The following ASAH1 variants were observed in gnomAD, a reference collection of about 807,000 sequenced individuals.
ASAH1 encodes acid ceramidase.
ASAH1 carries 70 observed loss-of-function variants against 59.5 expected under a neutral mutation model. The observed-to-expected ratio is 1.18, with a 90% CI of 0.97 to 1.43. The LOEUF is 1.43. Ranked by LOEUF, ASAH1 falls within the 40% of genes most tolerant of loss-of-function variation. The pLI, the probability that ASAH1 is intolerant of heterozygous loss-of-function variation, is 0.00. For synonymous variants in ASAH1, 213 were observed against 166.5 expected, an observed-to-expected ratio of 1.28 and a Z score of -2.15; for missense variants, 660 against 482.5, an observed-to-expected ratio of 1.37 and a Z score of -3.45.
chr8:18,065,417 G>C (rs781468110), intron 5 of ASAH1: 1 of 151,952 alleles, frequency 6.6e-6, no homozygotes, highest in South Asian at 2.1e-4. Context: ...CACTTTTGTT[G>C]ATAAATACTA....
Position 18,056,719 on chromosome 8 carries a change from TATGAGA to T in ASAH1, c.*809_*814del, listed in dbSNP as rs1238471626. 12 of 152,196 alleles carry T rather than the reference TATGAGA, an allele frequency of 7.9e-5. No individual in the cohort carries two copies. The highest frequency in any genetic ancestry group is 2.9e-5 in the Non-Finnish European group (2 of 68,034). The allele number at this position is 152,196 out of a possible 1,614,324, so 9.4% of individuals were successfully genotyped here. A position where few individuals can be genotyped will look rare whatever the true frequency, so the allele number is the denominator to read the frequency against. On this transcript the variant is annotated 3_prime_UTR_variant, in exon 14 of 14. Transcript: ENST00000637790. ...ACCTGTTTATTACATGAATGCTACT[TATGAGA>T]ATTTAAAATATGGGTTCACTTCCTA...
chr8:18,067,734 A>G (rs1209709601), intron 4 of ASAH1: 1 of 154,044 alleles, frequency 6.5e-6, no homozygotes, highest in Non-Finnish European at 1.4e-5. Context: ...ACACTCACAG[A>G]GATAAACCTG....
chr8:18,070,370 G>A (rs1425347607), intron 3 of ASAH1, among the ~76,000 whole-genome samples: 2 of 152,022 alleles, frequency 1.3e-5, no homozygotes, highest in East Asian at 1.9e-4. Context: ...GGCTGGTCTC[G>A]AACTCCTGAC....
At chr8:18,066,863 C>G in intron 5 of ASAH1, 2 of 289,858 alleles carry the variant, frequency 6.9e-6, no homozygotes, top group Admixed American at 1.1e-4. Flanking sequence ...TAATGAAATA[C>G]AAGAAATCAC....
In ASAH1 at chr8:18,083,876, C is replaced by T. The variant is rs968360863; in HGVS notation, c.78+105G>A. 3.7e-5 allele frequency: 56 copies of T among 1,528,722 alleles called. No homozygotes were observed. The Admixed American group carries it at 9.5e-4, about 26-fold the overall frequency. The allele number at this position is 1,528,722 out of a possible 1,614,324, so 94.7% of individuals were successfully genotyped here. A position where few individuals can be genotyped will look rare whatever the true frequency, so the allele number is the denominator to read the frequency against. On this transcript the variant is annotated intron_variant, in intron 1 of 13. Coordinates refer to ENST00000637790, the MANE Select transcript of ASAH1 (RefSeq NM_177924.5). Reference sequence around the variant, plus strand: ...CCACAGACCCCCGTAAAGAAGCTGCCCAGCACGAGGTGTTCCTTGTACCCG... The same window carrying T: ...CCACAGACCCCCGTAAAGAAGCTGCTCAGCACGAGGTGTTCCTTGTACCCG...
intron 2 of ASAH1, among the ~76,000 whole-genome samples, chr8:18,073,905 G>A (rs775363260): frequency 1.3e-5 from 2 of 152,044 alleles, no homozygotes; most frequent in Non-Finnish European, 2.9e-5. Context: ...ATGAAGGCAA[G>A]GAAAGAAACA....
At chr8:18,064,873 G>A (rs1799867872) in intron 5 of ASAH1, 1 of 212,492 alleles carries the variant, frequency 4.7e-6, no homozygotes, top group Admixed American at 5.3e-5. Context: ...GCTCTTGGCT[G>A]TTTGCTGGAC....
At chr8:18,067,913 G>A (rs900895194) in intron 4 of ASAH1, 4 of 152,094 alleles carry the variant, frequency 2.6e-5, no homozygotes, top group East Asian at 1.9e-4. Flanking sequence ...TTAAGTTCAC[G>A]GCCTTTTGCT....
chr8:18,058,715 A>G (rs420610), intron 13 of ASAH1, 120 bp downstream of exon 13: 129 of 889,098 alleles, frequency 1.5e-4, no homozygotes, highest in Middle Eastern at 3.0e-4. Flanking sequence ...TTAATAAAAA[A>G]TCAGTCCTAA....
intron 3 of ASAH1, among the ~76,000 whole-genome samples, chr8:18,070,852 G>C (rs533568115): frequency 6.6e-6 from 1 of 152,244 alleles, no homozygotes; most frequent in Non-Finnish European, 1.5e-5. Flanking sequence ...ATTTAATAAA[G>C]TTAGAAATAA....
At chr8:18,080,404 A>T (rs1438788232) in intron 1 of ASAH1, among the ~76,000 whole-genome samples, 2 of 152,130 alleles carry the variant, frequency 1.3e-5, no homozygotes, top group Non-Finnish European at 2.9e-5. Context: ...AGCCTACCGC[A>T]AGCTGTTTTC....
chr8:18,080,357 T>C (rs1026003284), intron 1 of ASAH1, among the ~76,000 whole-genome samples: 5 of 152,162 alleles, frequency 3.3e-5, no homozygotes, highest in African/African-American at 1.2e-4. Context: ...AGAGCAGCCA[T>C]CTCTCCCCTC....
chr8:18,061,353 T>C (rs1799689673), intron 10 of ASAH1, 24 bp downstream of exon 10: 6 of 1,563,640 alleles, frequency 3.8e-6, no homozygotes, highest in Non-Finnish European at 5.3e-6. Flanking sequence ...AAATATTTAA[T>C]AGTAAAGCAA....
intron 4 of ASAH1, 149 bp from the exon 5 acceptor site, chr8:18,067,447 T>A (rs942884835): frequency 1.6e-5 from 6 of 371,444 alleles, no homozygotes; most frequent in Non-Finnish European, 2.3e-5. Context: ...TAATAAGTGA[T>A]AGGAATTATT....
Position 18,057,683 on chromosome 8 carries a change from T to C in ASAH1, c.1099-60A>G, listed in dbSNP as rs1042546654. On this transcript the variant is annotated intron_variant, in intron 13 of 13. Coordinates refer to ENST00000637790, the MANE Select transcript of ASAH1 (RefSeq NM_177924.5). Reference sequence around the variant, plus strand: ...TTCAATTCAGAGATGTTCTGATATATATTAGCATTTCTATACTTGTAGAAT... The same window carrying C: ...TTCAATTCAGAGATGTTCTGATATACATTAGCATTTCTATACTTGTAGAAT... The C allele has an allele frequency of 5.1e-6, 6 of 1,183,516 alleles. No individual in the cohort carries two copies. The African/African-American group carries it at 6.1e-5, about 12-fold the overall frequency. 73.3% of individuals were successfully genotyped at this position (1,183,516 alleles called of 1,614,324 possible).
intron 2 of ASAH1, 105 bp from the exon 3 acceptor site, chr8:18,071,495 G>T: frequency 1.3e-6 from 1 of 789,376 alleles, no homozygotes; most frequent in Non-Finnish European, 2.1e-6. Context: ...TAACAGCAGT[G>T]TAGAATTTGG....
chr8:18,070,885 C>G (rs1013034784), intron 3 of ASAH1, among the ~76,000 whole-genome samples: 1 of 152,048 alleles, frequency 6.6e-6, no homozygotes, highest in African/African-American at 2.4e-5. Flanking sequence ...AGAATCTCCA[C>G]GGTCCTTGGG....
Position 18,084,028 on chromosome 8 carries a change from G to T in ASAH1, c.31C>A (p.Leu11Ile). 1 of 1,598,740 alleles carries T rather than the reference G, an allele frequency of 6.3e-7. No individual in the cohort carries two copies. Residue 11 changes from leucine to isoleucine, a missense_variant, in exon 1 of 14, where the codon CTC (leucine) becomes ATC (isoleucine). By Grantham distance (5) the Leu-to-Ile change is conservative. Transcript: ENST00000637790. MPGRSCVALV[L>I]LAAAVSCAVA... ...GCACAGCTGACGGCGGCAGCCAGGAGGACTAAGGCGACGCAACTCCGGCCC... is the reference window on the plus strand; with the variant it reads ...GCACAGCTGACGGCGGCAGCCAGGATGACTAAGGCGACGCAACTCCGGCCC...
At chr8:18,074,121 C>T (rs1800290976) in intron 2 of ASAH1, among the ~76,000 whole-genome samples, 2 of 152,166 alleles carry the variant, frequency 1.3e-5, no homozygotes, top group Non-Finnish European at 1.5e-5. Context: ...GGAGTAGAAA[C>T]GGCCTCAAAC....
Sources: gnomAD v4.1 joint callset for allele counts (sites outside exome capture counted in the v4.1 genomes callset) on GRCh38, gnomAD v4.1.1 for gene constraint, MANE v1.5 for transcripts, NCBI Gene and HGNC (gene_info 2026-07-23, HGNC 2026-07-21) for gene names.